OXNAD1: variants seen among roughly 807,000 people sequenced by gnomAD.
The protein encoded by OXNAD1 is oxidoreductase NAD-binding domain-containing protein 1.
OXNAD1 carries 34 observed loss-of-function variants against 32.9 expected under a neutral mutation model. That is an observed-to-expected ratio of 1.03 (90% CI 0.79 to 1.38). OXNAD1 has a LOEUF of 1.38. OXNAD1 is among the 40% of genes most tolerant of loss of function. The probability of loss-of-function intolerance (pLI) is 0.00; values close to 1 mark genes in which losing one functional copy is unlikely to be tolerated. For missense variants in OXNAD1, 407 were observed against 379.4 expected (o/e 1.07, Z -0.60); for synonymous variants, 134 against 135.2 (o/e 0.99, Z 0.06).
At position 16,303,280 on chromosome 3, in the gene OXNAD1, A is replaced by C; in HGVS notation, c.785-128A>C. On this transcript the variant is annotated intron_variant, in intron 8 of 8. Transcript: ENST00000285083. The surrounding 1 kb of genome is among the most constrained non-coding windows in gnomAD (Gnocchi z 4.8). ...GATGCCAATAGGAGCCATACTGTGA[A>C]TGGCTTAAGAAGACTAGACTCACTG... The C allele has an allele frequency of 9.1e-7, 1 of 1,098,658 alleles. No homozygotes were observed. The highest frequency in any genetic ancestry group is 1.3e-6 in the Non-Finnish European group (1 of 757,428). The allele number at this position is 1,098,658 out of a possible 1,614,324, so 68.1% of individuals were successfully genotyped here.
In OXNAD1 at chr3:16,290,314, A is replaced by G. The variant is rs2066346447; in HGVS notation, c.290+3866A>G. Among the ~76,000 whole-genome samples the G allele has an allele frequency of 6.6e-6, 1 of 152,212 alleles. No individual in the cohort carries two copies. Among genetic ancestry groups the G allele is most frequent in the Admixed American group, 6.5e-5 (1 of 15,274 alleles). ...CTTTCTTGGACAGATGTTTTATGAA[A>G]TATGTATTGTGCATATTTTCTTAAA... On this transcript the variant is annotated intron_variant, in intron 5 of 8. Coordinates refer to ENST00000285083, the MANE Select transcript of OXNAD1 (RefSeq NM_138381.5). The surrounding 1 kb of genome is among the most constrained non-coding windows in gnomAD (Gnocchi z 4.2).
intron 4 of OXNAD1, among the ~76,000 whole-genome samples, chr3:16,282,870 T>A (rs1399548982): frequency 6.8e-6 from 1 of 147,806 alleles, no homozygotes; most frequent in Non-Finnish European, 1.5e-5. Context: ...GAGAGCCGTT[T>A]AAGGTTTTTA....
In OXNAD1 at chr3:16,321,550, C is replaced by T. The variant is rs543203248; in HGVS notation, c.*31-15562C>T. On this transcript the variant is annotated intron_variant, in intron 9 of 9. Coordinates refer to the OXNAD1 transcript ENST00000435829. The surrounding 1 kb of genome is among the most constrained non-coding windows in gnomAD (Gnocchi z 4.8). ...AGCTGAGGAGTGAGGAGGGGACACCCAGTGCAGAAGATTCTTCCAAGGAGT... is the reference window on the plus strand; with the variant it reads ...AGCTGAGGAGTGAGGAGGGGACACCTAGTGCAGAAGATTCTTCCAAGGAGT... 6.6e-6 allele frequency among the ~76,000 whole-genome samples: 1 copy of T among 152,226 alleles called. No individual in the cohort carries two copies. The highest frequency in any genetic ancestry group is 2.4e-5 in the African/African-American group (1 of 41,514).
chr3:16,313,258 G>A (rs570700581), intron 9 of OXNAD1, among the ~76,000 whole-genome samples: 4 of 139,604 alleles, frequency 2.9e-5, no homozygotes, highest in South Asian at 2.2e-4. Flanking sequence ...GCCCAGGCTG[G>A]TCTCGAACTC....
In OXNAD1 at chr3:16,280,697, G is replaced by A. The variant is rs758310630; in HGVS notation, c.184-5645G>A. On this transcript the variant is annotated intron_variant, in intron 4 of 8. Coordinates refer to ENST00000285083, the MANE Select transcript of OXNAD1 (RefSeq NM_138381.5). The surrounding 1 kb of genome is among the most constrained non-coding windows in gnomAD (Gnocchi z 4.5). Reference sequence around the variant, plus strand: ...AGGAGTGAACAGGGAAAGCTAGCCAGGTTTCCAAAGAAATACCTATTTCCT... The same window carrying A: ...AGGAGTGAACAGGGAAAGCTAGCCAAGTTTCCAAAGAAATACCTATTTCCT... Among the ~76,000 whole-genome samples, 9 of 152,092 alleles carry A rather than the reference G, an allele frequency of 5.9e-5. No individual in the cohort carries two copies. The highest frequency in any genetic ancestry group is 1.0e-4 in the Non-Finnish European group (7 of 68,010).
rs1384350268 is a variant in OXNAD1, at chr3:16,291,885, C to T, written c.291-2971C>T. On this transcript the variant is annotated intron_variant, in intron 5 of 8. Coordinates refer to ENST00000285083, the MANE Select transcript of OXNAD1 (RefSeq NM_138381.5). Reference sequence around the variant, plus strand: ...TATAAATGTTCCAATTTCTCCAGACCCTAACACTATTGTTTGTCTCTTTGA... The same window carrying T: ...TATAAATGTTCCAATTTCTCCAGACTCTAACACTATTGTTTGTCTCTTTGA... Among the ~76,000 whole-genome samples, 4 of 152,270 alleles carry T rather than the reference C, an allele frequency of 2.6e-5. No homozygotes were observed. The East Asian group carries it at 7.7e-4, about 29-fold the overall frequency.
chr3:16,282,615 C>T (rs1344686471), intron 4 of OXNAD1, among the ~76,000 whole-genome samples: 1 of 151,932 alleles, frequency 6.6e-6, no homozygotes, highest in Admixed American at 6.6e-5. Flanking sequence ...GGGGGTGTTA[C>T]TTGAGCAGGG....
intron 9 of OXNAD1, among the ~76,000 whole-genome samples, chr3:16,331,281 T>G (rs1316055544): frequency 6.6e-6 from 1 of 152,252 alleles, no homozygotes; most frequent in African/African-American, 2.4e-5. Flanking sequence ...TATACTACTC[T>G]TATTTTACTT....
chr3:16,268,313 C>CTT (rs531751365), intron 1 of OXNAD1, among the ~76,000 whole-genome samples: 915 of 60,970 alleles, frequency 0.015, 119 homozygotes, highest in South Asian at 0.022. Context: ...AAGAGAACTC[C>CTT]TTTTTTTTTT....
chr3:16,313,902 AG>A (rs1247216592), intron 9 of OXNAD1, among the ~76,000 whole-genome samples: 1 of 152,312 alleles, frequency 6.6e-6, no homozygotes, highest in East Asian at 1.9e-4. Context: ...TTCTTTAAGC[AG>A]ATTAGATAAG....
rs1213938651 is a variant in OXNAD1 at position 16,321,221 on chromosome 3, G to A, written c.*31-15891G>A. 6.6e-6 allele frequency among the ~76,000 whole-genome samples: 1 copy of A among 152,186 alleles called. No individual in the cohort carries two copies. The highest frequency in any genetic ancestry group is 1.5e-5 in the Non-Finnish European group (1 of 68,032). On this transcript the variant is annotated intron_variant, in intron 9 of 9. Transcript: ENST00000435829. The surrounding 1 kb of genome is among the most constrained non-coding windows in gnomAD (Gnocchi z 4.8). ...GAGCCACAGGATGGATGGAGCTGGA[G>A]TCTTGGGGTGCAGTGAGGGCTGAAA...
downstream of OXNAD1, among the ~76,000 whole-genome samples, chr3:16,341,201 T>G (rs776774622): frequency 5.3e-5 from 8 of 152,224 alleles, no homozygotes; most frequent in Non-Finnish European, 1.2e-4. The surrounding 1 kb of genome is among the most constrained non-coding windows in gnomAD (Gnocchi z 4.7). Flanking sequence ...TCGTTCACTG[T>G]GGTGGGGACG....
downstream of OXNAD1, among the ~76,000 whole-genome samples, chr3:16,307,720 T>G (rs2067659951): frequency 7.9e-6 from 1 of 127,224 alleles, no homozygotes; most frequent in African/African-American, 3.4e-5. Flanking sequence ...TCTCATTGGG[T>G]TGTTTTATTT....
downstream of OXNAD1, among the ~76,000 whole-genome samples, chr3:16,310,991 CAAAAAAAAAAAAAAA>C (rs1003070321): frequency 1.0e-4 from 6 of 57,546 alleles, no homozygotes; most frequent in African/African-American, 5.5e-4. Flanking sequence ...ACTCAGTCTC[CAAAAAAAAAAAAAAA>C]AAAAAAAATC....
rs747683702 is a variant in OXNAD1, at chr3:16,271,053, G to A, written c.101G>A (p.Arg34His). ...ASLRLTLSTLRHLTLTSIMKS... is the reference protein window; with the variant it reads ...ASLRLTLSTLHHLTLTSIMKS... ...CTGAGATTGACACTCAGCACTTTGC[G>A]CCACCTTACTCTAACCAGGTGAGTC... is the stretch of plus-strand genomic sequence containing the variant. Residue 34 changes from arginine to histidine, a missense_variant, in exon 3 of 9, where the codon CGC (arginine) becomes CAC (histidine). Transcript: ENST00000285083. This position sits in a 1 kb window ranked among gnomAD's most constrained non-coding sequence, Gnocchi z 4.6. 8 of 1,613,864 alleles carry A rather than the reference G, an allele frequency of 5.0e-6. No homozygotes were observed. Among genetic ancestry groups the A allele is most frequent in the Middle Eastern group, 1.6e-4 (1 of 6,082 alleles).
At position 16,312,028 on chromosome 3, in the gene OXNAD1, C is replaced by T. The variant is rs1330079313; in HGVS notation, c.*30+8436C>T. On this transcript the variant is annotated intron_variant, in intron 9 of 9. Transcript: ENST00000435829. This position sits in a 1 kb window ranked among gnomAD's most constrained non-coding sequence, Gnocchi z 4.7. ...CTTCCTCTGCTGGAGGGACATGCCG[C>T]TGTTGTGCAAGGGCTGGGGAAGCAA... is the stretch of plus-strand genomic sequence containing the variant. Among the ~76,000 whole-genome samples, 1 of 152,164 alleles carries T rather than the reference C, an allele frequency of 6.6e-6. No individual in the cohort carries two copies. The highest frequency in any genetic ancestry group is 1.5e-5 in the Non-Finnish European group (1 of 68,036).
downstream of OXNAD1, among the ~76,000 whole-genome samples, chr3:16,340,952 C>A (rs1325851397): frequency 6.6e-6 from 1 of 152,156 alleles, no homozygotes; most frequent in Admixed American, 6.6e-5. Context: ...ATTCATAAGA[C>A]TAAACAATAA....
rs1332493928 is a variant in OXNAD1 at position 16,284,770 on chromosome 3, G to T, written c.184-1572G>T. 6.6e-6 allele frequency among the ~76,000 whole-genome samples: 1 copy of T among 152,254 alleles called. No individual in the cohort carries two copies. The highest frequency in any genetic ancestry group is 2.4e-5 in the African/African-American group (1 of 41,480). On this transcript the variant is annotated intron_variant, in intron 4 of 8. Transcript: ENST00000285083. The surrounding 1 kb of genome is among the most constrained non-coding windows in gnomAD (Gnocchi z 4.1). ...ATAGCTGAGGAGGGCTAGGTAACTT[G>T]CCCAGAGTCACACAGCTGGTAAGCG... is the stretch of plus-strand genomic sequence containing the variant.
rs190493828 is a variant in OXNAD1 at position 16,294,873 on chromosome 3, C to T, written c.308C>T (p.Pro103Leu). 45 of 1,610,958 alleles carry T rather than the reference C, an allele frequency of 2.8e-5. No individual in the cohort carries two copies. In the African/African-American group the frequency reaches 5.5e-4, roughly 20 times the overall value. ...KAGQWVDFFI[P>L]GVSVVGGFSI... ...CTTTTTAGGGTTGATTTCTTTATTC[C>T]AGGAGTCTCTGTGGTTGGTGGGTTT... Residue 103 changes from proline to leucine, a missense_variant, in exon 6 of 9, where the codon CCA becomes CTA. Coordinates refer to ENST00000285083, the MANE Select transcript of OXNAD1 (RefSeq NM_138381.5).
Sources: allele counts gnomAD v4.1 joint callset (sites outside exome capture counted in the v4.1 genomes callset), GRCh38; gene constraint gnomAD v4.1.1; non-coding constraint Gnocchi (gnomAD v3.1); transcripts MANE v1.5; gene names NCBI Gene and HGNC (gene_info 2026-07-23, HGNC 2026-07-21).